TMOD3: variants seen among roughly 807,000 people sequenced by gnomAD.
TMOD3 encodes tropomodulin 3.
In TMOD3, 20 loss-of-function variants were observed where a neutral mutation model predicts 39.2. The ratio of observed to expected loss-of-function variants is 0.51; its 90% CI spans 0.36 to 0.74. The LOEUF is 0.74. Among genes scored for constraint, TMOD3 ranks in the 30% least tolerant of loss-of-function variants. The pLI is 0.00. For missense variants in TMOD3, 381 were observed against 412.8 expected (o/e 0.92, Z 0.67); for synonymous variants, 143 against 145.8 (o/e 0.98, Z 0.14).
chr15:51,910,999 T>TC lies in TMOD3; in HGVS notation c.*2193dup, dbSNP rs563314264. On this transcript the variant is annotated 3_prime_UTR_variant, in exon 10 of 10. Transcript: ENST00000308580. The stretch of plus-strand genomic sequence containing the variant: ...CCCTCTCTTCTCCTCTCTTTTTTTT[T>TC]CCCCGCATATGCAGCTTTTTGATTG... 0.37 allele frequency: 55,727 copies of TC among 151,132 alleles called. 10,609 individuals carry two copies. The highest frequency in any genetic ancestry group is 0.43 in the Middle Eastern group (125 of 294). 9.4% of individuals were successfully genotyped at this position (151,132 alleles called of 1,614,324 possible).
Position 51,900,264 on chromosome 15 carries a change from A to G in TMOD3, c.845A>G (p.Asn282Ser). Residue 282 changes from asparagine (N) to serine (S), a missense_variant, in exon 8 of 10, where the codon AAT becomes AGT. Transcript: ENST00000308580. ...ILALIDALRD[N>S]ETLAELKIDN... is the part of the protein sequence containing the mutation. The stretch of plus-strand genomic sequence containing the variant: ...GCACTGATTGATGCGTTAAGAGATA[A>G]TGAAACCCTGGCAGAGCTCAAGATT... 1 of 1,614,200 alleles carries G rather than the reference A, an allele frequency of 6.2e-7. No individual in the cohort carries two copies. The highest frequency in any genetic ancestry group is 1.1e-5 in the South Asian group (1 of 91,086).
intron 3 of TMOD3, among the ~76,000 whole-genome samples, chr15:51,883,271 T>C (rs1189161123): frequency 6.6e-6 from 1 of 152,174 alleles, no homozygotes; most frequent in Admixed American, 6.5e-5. Flanking sequence ...TCTGCTGAGA[T>C]TCATTTTGTA....
intron 1 of TMOD3, among the ~76,000 whole-genome samples, chr15:51,848,425 C>T (rs908778302): frequency 6.6e-6 from 1 of 152,114 alleles, no homozygotes; most frequent in Non-Finnish European, 1.5e-5. Flanking sequence ...GAATGTTCTT[C>T]AAACCAGCAG....
chr15:51,866,013 C>A (rs1416152913), intron 2 of TMOD3, among the ~76,000 whole-genome samples: 1 of 152,046 alleles, frequency 6.6e-6, no homozygotes, highest in South Asian at 2.1e-4. Flanking sequence ...AGAAACGTGT[C>A]ATTTTTAGTG....
rs902972638 is a variant in TMOD3 at position 51,862,771 on chromosome 15, G to A, written c.-74-40G>A. ...GAATTAGATCTAAGTAGGTGGAGAT[G>A]ACTTACTATTTAAAATGTATTTGTT... On this transcript the variant is annotated intron_variant, in intron 1 of 9. Transcript: ENST00000308580. The A allele has an allele frequency of 1.3e-5, 13 of 996,964 alleles. No individual in the cohort carries two copies. In the African/African-American group the frequency reaches 2.2e-4, roughly 16 times the overall value. The allele number at this position is 996,964 out of a possible 1,614,324, so 61.8% of individuals were successfully genotyped here.
intron 1 of TMOD3, among the ~76,000 whole-genome samples, chr15:51,840,019 T>C (rs2056305552): frequency 6.6e-6 from 1 of 152,306 alleles, no homozygotes; most frequent in South Asian, 2.1e-4. Flanking sequence ...ATTTAGTGTC[T>C]ACCATGTTGC....
intron 3 of TMOD3, among the ~76,000 whole-genome samples, chr15:51,875,764 C>T (rs1425724218): frequency 2.6e-5 from 4 of 151,996 alleles, no homozygotes; most frequent in East Asian, 1.9e-4. Flanking sequence ...TACAGGCAGC[C>T]GCCACCATGC....
chr15:51,882,581 T>C (rs1004704548), intron 3 of TMOD3, among the ~76,000 whole-genome samples: 1 of 152,228 alleles, frequency 6.6e-6, no homozygotes, highest in African/African-American at 2.4e-5. Flanking sequence ...CTGTTCTTTC[T>C]CCATTGAATT....
chr15:51,842,911 C>T (rs932250270), intron 1 of TMOD3, among the ~76,000 whole-genome samples: 18 of 152,150 alleles, frequency 1.2e-4, no homozygotes, highest in African/African-American at 4.1e-4. Context: ...AGGCCCCTGA[C>T]GTTGATTAGA....
rs2056463921 is a variant in TMOD3 at position 51,869,410 on chromosome 15, A to G, written c.283+37A>G. On this transcript the variant is annotated intron_variant, in intron 3 of 9. Transcript: ENST00000308580. The stretch of plus-strand genomic sequence containing the variant: ...AATTTTAAAGTCATTATGTGGTAAC[A>G]CTTGATTTTTCTTTTTATAGGTGGG... The G allele has an allele frequency of 3.1e-6, 5 of 1,591,418 alleles. No homozygotes were observed. In the South Asian group the frequency reaches 4.7e-5, roughly 15 times the overall value.
In TMOD3 at chr15:51,910,759, T is replaced by C. The variant is rs1246956089; in HGVS notation, c.*1949T>C. ...TGTTTCTCTTTTTTTTTTTTTGTTT[T>C]GGTTTGTTTTGGTTTTTTGGTTTTG... On this transcript the variant is annotated 3_prime_UTR_variant, in exon 10 of 10. Transcript: ENST00000308580. The C allele has an allele frequency of 6.6e-6, 1 of 151,704 alleles. No homozygotes were observed. Among genetic ancestry groups the C allele is most frequent in the Non-Finnish European group, 1.5e-5 (1 of 67,996 alleles). The allele number at this position is 151,704 out of a possible 1,614,324, so 9.4% of individuals were successfully genotyped here.
chr15:51,846,273 A>G lies in TMOD3; in HGVS notation c.-75+16437A>G, dbSNP rs113408446. Among the ~76,000 whole-genome samples, 406 of 152,294 alleles carry G rather than the reference A, an allele frequency of 2.7e-3. No homozygotes were observed. The Middle Eastern group carries it at 0.027, about 10-fold the overall frequency. On this transcript the variant is annotated intron_variant, in intron 1 of 9. Coordinates refer to ENST00000308580, the MANE Select transcript of TMOD3 (RefSeq NM_014547.5). The stretch of plus-strand genomic sequence containing the variant: ...TTGAGCCCGGGAGTTTGAGGCTGCC[A>G]TGAGCCATGTTCATGCCACTACACT...
intron 1 of TMOD3, among the ~76,000 whole-genome samples, chr15:51,848,776 A>G (rs2056347587): frequency 6.6e-6 from 1 of 152,242 alleles, no homozygotes. Context: ...TTCAGCATGA[A>G]AGGATATGAC....
At chr15:51,898,220 A>G (rs2056631329) in intron 7 of TMOD3, among the ~76,000 whole-genome samples, 1 of 152,166 alleles carries the variant, frequency 6.6e-6, no homozygotes, top group Admixed American at 6.5e-5. Context: ...TCAGCATGCC[A>G]TGTGGACTCC....
intron 5 of TMOD3, among the ~76,000 whole-genome samples, chr15:51,890,085 A>G (rs1260810881): frequency 6.6e-6 from 1 of 152,108 alleles, no homozygotes; most frequent in Admixed American, 6.5e-5. Context: ...CATATTATAC[A>G]TAGTCTCTTA....
At chr15:51,864,991 A>G (rs552103212) in intron 2 of TMOD3, among the ~76,000 whole-genome samples, 1 of 152,016 alleles carries the variant, frequency 6.6e-6, no homozygotes, top group Non-Finnish European at 1.5e-5. Context: ...AATAAAAAAC[A>G]TGACTTTTTT....
intron 1 of TMOD3, among the ~76,000 whole-genome samples, chr15:51,837,771 C>G (rs564131321): frequency 1.4e-4 from 21 of 152,286 alleles, no homozygotes; most frequent in African/African-American, 5.1e-4. Flanking sequence ...CATCTCACTT[C>G]CTGCTTTCCT....
rs979136493 is a variant in TMOD3 at position 51,907,106 on chromosome 15, T to C, written c.1025-1670T>C. Reference sequence around the variant, plus strand: ...GAGATCTATATACATGATTTGATATTTGAGGGCTCAAGTCTCCATTTAATT... The same window carrying C: ...GAGATCTATATACATGATTTGATATCTGAGGGCTCAAGTCTCCATTTAATT... On this transcript the variant is annotated intron_variant, in intron 9 of 9. Coordinates refer to ENST00000308580, the MANE Select transcript of TMOD3 (RefSeq NM_014547.5). 2 of 152,188 alleles carry C rather than the reference T, an allele frequency of 1.3e-5. 1 individual carries two copies. Among genetic ancestry groups the C allele is most frequent in the African/African-American group, 4.8e-5 (2 of 41,448 alleles). 9.4% of individuals were successfully genotyped at this position (152,188 alleles called of 1,614,324 possible). A position where few individuals can be genotyped will look rare whatever the true frequency, so the allele number is the denominator to read the frequency against.
At chr15:51,847,135 G>T (rs2056340016) in intron 1 of TMOD3, among the ~76,000 whole-genome samples, 1 of 152,192 alleles carries the variant, frequency 6.6e-6, no homozygotes, top group Admixed American at 6.5e-5. Context: ...GCAGGGTCTT[G>T]TTGAAAGATT....
Sources: allele counts gnomAD v4.1 joint callset (sites outside exome capture counted in the v4.1 genomes callset), GRCh38; gene constraint gnomAD v4.1.1; transcripts MANE v1.5; gene names NCBI Gene and HGNC (gene_info 2026-07-23, HGNC 2026-07-21).